MPPE1: variants seen among roughly 807,000 people sequenced by gnomAD.
MPPE1 encodes the protein metallo phosphoesterase.
MPPE1 carries 28 observed loss-of-function variants against 43.8 expected under a neutral mutation model. The ratio of observed to expected loss-of-function variants is 0.64; its 90% CI spans 0.47 to 0.88. The LOEUF is 0.88. Ranked by LOEUF, MPPE1 falls within the 40% of genes least tolerant of loss-of-function variation. The pLI, the probability that MPPE1 is intolerant of heterozygous loss-of-function variation, is 0.00. For synonymous variants in MPPE1, 159 were observed against 188.5 expected (o/e 0.84, Z 1.28); for missense variants, 428 against 492.2 (o/e 0.87, Z 1.23).
chr18:11,885,978 G>A, intron 9 of MPPE1, 162 bp from the exon 10 acceptor site: 1 of 652,738 alleles, frequency 1.5e-6, no homozygotes, highest in Non-Finnish European at 2.3e-6. Flanking sequence ...AAATCCTTTG[G>A]TTTATTTACA....
intron 10 of MPPE1, 60 bp from the exon 11 acceptor site, chr18:11,884,687 C>A: frequency 1.3e-6 from 2 of 1,540,026 alleles, no homozygotes; most frequent in South Asian, 2.3e-5. Flanking sequence ...ACACCGCAGT[C>A]TTAGAAACAG....
intron 3 of MPPE1, 89 bp downstream of exon 3, chr18:11,896,895 A>G: frequency 8.5e-7 from 1 of 1,178,920 alleles, no homozygotes. Flanking sequence ...AACTAAGAGT[A>G]ACCTAAAGCC....
At chr18:11,887,571 A>G (rs2037478962) in intron 6 of MPPE1, among the ~76,000 whole-genome samples, 1 of 152,348 alleles carries the variant, frequency 6.6e-6, no homozygotes, top group Non-Finnish European at 1.5e-5. Context: ...CTAACTGGGT[A>G]TGGATAATCC....
At chr18:11,904,959 A>C (rs2039568423) in intron 2 of MPPE1, among the ~76,000 whole-genome samples, 1 of 151,998 alleles carries the variant, frequency 6.6e-6, no homozygotes. Flanking sequence ...AAAGAAGAAA[A>C]AAAAAGATAA....
chr18:11,907,582 C>T lies in MPPE1; in HGVS notation c.-200+619G>A, dbSNP rs142526833. Reference sequence around the variant, plus strand: ...CACAGCTCGCTGCAGCCCCAAACTCCTGCGCTGAAGCGATCCTTTCCCCCA... The same window carrying T: ...CACAGCTCGCTGCAGCCCCAAACTCTTGCGCTGAAGCGATCCTTTCCCCCA... On this transcript the variant is annotated intron_variant, in intron 1 of 10. Transcript: ENST00000588072. Among the ~76,000 whole-genome samples the T allele has an allele frequency of 3.9e-5, 6 of 151,926 alleles. No homozygotes were observed. In the East Asian group the frequency reaches 1.2e-3, roughly 29 times the overall value.
At chr18:11,906,694 A>G (rs1210379407) in intron 1 of MPPE1, among the ~76,000 whole-genome samples, 1 of 151,942 alleles carries the variant, frequency 6.6e-6, no homozygotes, top group Non-Finnish European at 1.5e-5. Flanking sequence ...CGTCTCTACT[A>G]AAAATACAAA....
intron 6 of MPPE1, among the ~76,000 whole-genome samples, chr18:11,887,703 T>C (rs1329718058): frequency 5.9e-5 from 9 of 152,230 alleles, no homozygotes; most frequent in Non-Finnish European, 1.2e-4. Context: ...CGAAAGTACC[T>C]GTCAGTAAAG....
Position 11,884,371 on chromosome 18 carries a change from C to G in MPPE1, c.*74G>C. 6.9e-7 allele frequency: 1 copy of G among 1,449,534 alleles called. No individual in the cohort carries two copies. 89.8% of individuals were successfully genotyped at this position (1,449,534 alleles called of 1,614,324 possible). A position where few individuals can be genotyped will look rare whatever the true frequency, so the allele number is the denominator to read the frequency against. On this transcript the variant is annotated 3_prime_UTR_variant, in exon 11 of 11. Transcript: ENST00000588072. ...GACGGCCTGTAATTGGTCTCATCAT[C>G]CACTTGATTCTAACATGATCTCTGC...
chr18:11,892,588 G>A (rs1346439164), intron 4 of MPPE1, among the ~76,000 whole-genome samples: 2 of 150,980 alleles, frequency 1.3e-5, no homozygotes, highest in African/African-American at 4.9e-5. Context: ...CAGGACAATC[G>A]CTTGAACCTG....
At chr18:11,890,494 G>A (rs937585222) in intron 4 of MPPE1, among the ~76,000 whole-genome samples, 1 of 151,792 alleles carries the variant, frequency 6.6e-6, no homozygotes, top group African/African-American at 2.4e-5. Flanking sequence ...ATTTTTAGTA[G>A]ACACAGGGTT....
chr18:11,884,722 T>C, intron 10 of MPPE1, 95 bp from the exon 11 acceptor site: 5 of 1,400,040 alleles, frequency 3.6e-6, no homozygotes, highest in Non-Finnish European at 4.9e-6. Flanking sequence ...CCTTCTCAGG[T>C]CCCCCTCAGG....
At position 11,897,320 on chromosome 18, in the gene MPPE1, T is replaced by G. The variant is rs1598561128; in HGVS notation, c.-56A>C. The G allele has an allele frequency of 1.1e-6, 1 of 939,974 alleles. No homozygotes were observed. The highest frequency in any genetic ancestry group is 2.4e-5 in the East Asian group (1 of 41,574). 58.2% of individuals were successfully genotyped at this position (939,974 alleles called of 1,614,324 possible). A position where few individuals can be genotyped will look rare whatever the true frequency, so the allele number is the denominator to read the frequency against. ...TCACCACGAGAAAACTGCAGAGCCC[T>G]GGGGAGGGTGATGGCATTCAGGTCT... On this transcript the variant is annotated 5_prime_UTR_variant, in exon 3 of 11. Coordinates refer to ENST00000588072, the MANE Select transcript of MPPE1 (RefSeq NM_023075.6).
chr18:11,893,445 G>T, intron 4 of MPPE1, 23 bp downstream of exon 4: 1 of 1,540,676 alleles, frequency 6.5e-7, no homozygotes, highest in Non-Finnish European at 9.0e-7. Context: ...CAGGATGAGG[G>T]CACCTGGAAC....
At chr18:11,887,533 A>C (rs1037318890) in intron 6 of MPPE1, among the ~76,000 whole-genome samples, 1 of 152,222 alleles carries the variant, frequency 6.6e-6, no homozygotes, top group Non-Finnish European at 1.5e-5. Context: ...CACAGCAAGT[A>C]AGGCAGAGGG....
intron 5 of MPPE1, 141 bp downstream of exon 5, chr18:11,889,246 G>C (rs2037687880): frequency 1.8e-6 from 1 of 563,676 alleles, no homozygotes; most frequent in Non-Finnish European, 3.1e-6. Flanking sequence ...CCCTTAAAGA[G>C]TTTAATATCC....
At chr18:11,902,963 T>C (rs1054879562) in intron 2 of MPPE1, 1 of 152,338 alleles carries the variant, frequency 6.6e-6, no homozygotes, top group African/African-American at 2.4e-5. Flanking sequence ...TCACTCAGCA[T>C]GGCCTCTTAC....
chr18:11,891,663 C>A (rs1246648579), intron 4 of MPPE1, among the ~76,000 whole-genome samples: 1 of 152,164 alleles, frequency 6.6e-6, no homozygotes, highest in African/African-American at 2.4e-5. Flanking sequence ...ACAAACATTG[C>A]AACTCTGTAA....
intron 2 of MPPE1, among the ~76,000 whole-genome samples, chr18:11,900,864 G>C (rs1265931): frequency 6.7e-6 from 1 of 149,200 alleles, no homozygotes; most frequent in Non-Finnish European, 1.5e-5. Context: ...CCGAGATTGC[G>C]CCACTGCACT....
In MPPE1 at chr18:11,883,226, C is replaced by CTT; in HGVS notation, c.*1218_*1219insAA. ...TATCTCATCACCGTCTTACTGCCTC[C>CTT]CCATCCACTGTCTCATAAAGCCCTC... On this transcript the variant is annotated 3_prime_UTR_variant, in exon 11 of 11. Coordinates refer to ENST00000588072, the MANE Select transcript of MPPE1 (RefSeq NM_023075.6). 1.1e-5 allele frequency: 1 copy of CTT among 94,752 alleles called. No individual in the cohort carries two copies. The highest frequency in any genetic ancestry group is 8.0e-4 in the East Asian group (1 of 1,254). The allele number at this position is 94,752 out of a possible 1,614,324, so 5.9% of individuals were successfully genotyped here.
Sources: allele counts gnomAD v4.1 joint callset (sites outside exome capture counted in the v4.1 genomes callset), GRCh38; gene constraint gnomAD v4.1.1; transcripts MANE v1.5; gene names NCBI Gene and HGNC (gene_info 2026-07-23, HGNC 2026-07-21).